The following FOXP2 variants were observed in gnomAD, a reference collection of about 807,000 sequenced individuals.
The protein encoded by FOXP2 is forkhead box P2, also known as forkhead box protein P2.
A neutral mutation model predicts 115.8 loss-of-function variants in FOXP2; 12 were observed. The ratio of observed to expected loss-of-function variants is 0.10; its 90% CI spans 0.07 to 0.17. The LOEUF (loss-of-function observed/expected upper bound fraction) is 0.17. Ranked by LOEUF, FOXP2 falls within the 10% of genes least tolerant of loss-of-function variation. The pLI is 1.00. For missense variants in FOXP2, 629 were observed against 843.5 expected, an observed-to-expected ratio of 0.75 and a Z score of 3.15; for synonymous variants, 328 against 297.7, an observed-to-expected ratio of 1.10 and a Z score of -1.05.
chr7:114,393,171 T>G (rs1421459322), intron 2 of FOXP2, among the ~76,000 whole-genome samples: 1 of 152,160 alleles, frequency 6.6e-6, no homozygotes, highest in African/African-American at 2.4e-5. Context: ...CTTATGTAAT[T>G]TCCCATGCTC....
chr7:114,218,919 T>C (rs930459493), intron 1 of FOXP2, among the ~76,000 whole-genome samples: 1 of 152,170 alleles, frequency 6.6e-6, no homozygotes, highest in Non-Finnish European at 1.5e-5. Flanking sequence ...CCAGCTGCCG[T>C]CCTGAACTCC....
intron 2 of FOXP2, among the ~76,000 whole-genome samples, chr7:114,341,738 T>A (rs1791222163): frequency 6.6e-6 from 1 of 151,320 alleles, no homozygotes; most frequent in Non-Finnish European, 1.5e-5. Flanking sequence ...GATACGTTCA[T>A]TCCCTCATTA....
intron 1 of FOXP2, among the ~76,000 whole-genome samples, chr7:114,239,921 A>G (rs1051768698): frequency 2.6e-5 from 4 of 152,166 alleles, no homozygotes; most frequent in African/African-American, 9.6e-5. Context: ...AATACTGTAT[A>G]TGGCACGCCT....
intron 1 of FOXP2, among the ~76,000 whole-genome samples, chr7:114,252,220 C>A (rs571844794): frequency 1.3e-5 from 2 of 151,932 alleles, no homozygotes; most frequent in Non-Finnish European, 2.9e-5. Context: ...ATTTTTGCGT[C>A]GATATTTATC....
intron 1 of FOXP2, among the ~76,000 whole-genome samples, chr7:114,263,796 A>G (rs547767438): frequency 1.8e-4 from 28 of 151,664 alleles, no homozygotes; most frequent in African/African-American, 6.5e-4. Context: ...TAAAGGAACC[A>G]TAACAGTTAT....
intron 2 of FOXP2, among the ~76,000 whole-genome samples, chr7:114,310,463 T>A (rs1320283532): frequency 6.6e-6 from 1 of 151,660 alleles, no homozygotes; most frequent in Non-Finnish European, 1.5e-5. Context: ...GTCACAAGAG[T>A]CCTCCATATG....
intron 1 of FOXP2, among the ~76,000 whole-genome samples, chr7:114,423,282 C>T (rs754202578): frequency 5.3e-5 from 8 of 151,552 alleles, no homozygotes; most frequent in Non-Finnish European, 1.0e-4. Context: ...AGAGAAAATG[C>T]AATCTTGTGC....
In FOXP2 at chr7:114,516,648, T is replaced by G. The variant is rs1294293639; in HGVS notation, c.169-17969T>G. Among the ~76,000 whole-genome samples, 4 of 152,056 alleles carry G rather than the reference T, an allele frequency of 2.6e-5. No homozygotes were observed. The South Asian group carries it at 8.3e-4, about 32-fold the overall frequency. The stretch of plus-strand genomic sequence containing the variant: ...ACCAAGAGCGTACAAAGGTTTCACA[T>G]CCTAACCAATACTTGGTAATTTTTT... On this transcript the variant is annotated intron_variant, in intron 2 of 16. Transcript: ENST00000350908.
intron 1 of FOXP2, among the ~76,000 whole-genome samples, chr7:114,424,377 A>T (rs1335196102): frequency 6.6e-6 from 1 of 151,526 alleles, no homozygotes; most frequent in Non-Finnish European, 1.5e-5. Flanking sequence ...TAAATATTTC[A>T]AATAACTTAG....
chr7:114,176,232 T>TCTCTC (rs1562992727), intron 1 of FOXP2, among the ~76,000 whole-genome samples: 12 of 146,756 alleles, frequency 8.2e-5, no homozygotes, highest in African/African-American at 3.0e-4. Context: ...TTGTCTTGTC[T>TCTCTC]TTTCTTTCTT....
intron 2 of FOXP2, among the ~76,000 whole-genome samples, chr7:114,475,831 C>T (rs1220065883): frequency 6.6e-6 from 1 of 151,536 alleles, no homozygotes. Flanking sequence ...CTATATCTAT[C>T]TAAATAGATA....
intron 8 of FOXP2, among the ~76,000 whole-genome samples, chr7:114,646,548 A>C (rs1421223829): frequency 6.6e-6 from 1 of 152,052 alleles, no homozygotes; most frequent in Non-Finnish European, 1.5e-5. Context: ...GGTTCCAAAG[A>C]CTGACCATTT....
chr7:114,623,708 TC>T (rs1449706481), intron 3 of FOXP2, among the ~76,000 whole-genome samples: 1 of 151,870 alleles, frequency 6.6e-6, no homozygotes, highest in East Asian at 1.9e-4. Context: ...AAACACTACT[TC>T]CCAAAACAGG....
chr7:114,511,428 T>A (rs902956395), intron 2 of FOXP2, among the ~76,000 whole-genome samples: 4 of 152,038 alleles, frequency 2.6e-5, no homozygotes, highest in African/African-American at 9.7e-5. Context: ...GCTGCTGCAA[T>A]GAAAAAAGAA....
chr7:114,127,108 C>A (rs1256605037), intron 1 of FOXP2, among the ~76,000 whole-genome samples: 2 of 152,116 alleles, frequency 1.3e-5, no homozygotes, highest in East Asian at 3.9e-4. Flanking sequence ...TTGGCTGGAT[C>A]CATTTCCTTG....
chr7:114,380,015 G>A (rs1411999586), intron 2 of FOXP2, among the ~76,000 whole-genome samples: 1 of 152,128 alleles, frequency 6.6e-6, no homozygotes, highest in South Asian at 2.1e-4. Context: ...CCCAGAGGGG[G>A]TTACCCCATA....
At chr7:114,261,824 C>T (rs951817483) in intron 1 of FOXP2, among the ~76,000 whole-genome samples, 1 of 152,040 alleles carries the variant, frequency 6.6e-6, no homozygotes, top group Admixed American at 6.6e-5. Flanking sequence ...TTTGGGAGGT[C>T]GAGGTGTTTG....
At chr7:114,131,431 A>T (rs956083374) in intron 1 of FOXP2, among the ~76,000 whole-genome samples, 3 of 152,208 alleles carry the variant, frequency 2.0e-5, no homozygotes, top group African/African-American at 7.2e-5. Flanking sequence ...TACATACTTC[A>T]AAAACAATAT....
chr7:114,498,978 C>T lies in FOXP2; in HGVS notation c.169-35639C>T, dbSNP rs952014159. The stretch of plus-strand genomic sequence containing the variant: ...AGAGCGATTCTCAAAAGTGTGAGTC[C>T]TGGACCAGCAGCAACAGCATCACCG... On this transcript the variant is annotated intron_variant, in intron 2 of 16. Coordinates refer to ENST00000350908, the MANE Select transcript of FOXP2 (RefSeq NM_014491.4). The T allele has an allele frequency of 9.8e-6, 7 of 716,660 alleles. No homozygotes were observed. The African/African-American group carries it at 1.2e-4, about 13-fold the overall frequency. 44.4% of individuals were successfully genotyped at this position (716,660 alleles called of 1,614,324 possible).
Sources: gnomAD v4.1 joint callset for allele counts (sites outside exome capture counted in the v4.1 genomes callset) on GRCh38, gnomAD v4.1.1 for gene constraint, MANE v1.5 for transcripts, NCBI Gene and HGNC (gene_info 2026-07-23, HGNC 2026-07-21) for gene names.